The following ATP9B variants were observed in gnomAD, a reference collection of about 807,000 sequenced individuals.
ATP9B encodes ATPase phospholipid transporting 9B.
ATP9B carries 110 observed loss-of-function variants against 146.1 expected under a neutral mutation model. The ratio of observed to expected loss-of-function variants is 0.75; its 90% CI spans 0.65 to 0.88. The LOEUF is 0.88. Among genes scored for constraint, ATP9B ranks in the 40% least tolerant of loss-of-function variants. ATP9B has a pLI of 0.00. For missense variants in ATP9B, 1,499 were observed against 1,496.4 expected, an observed-to-expected ratio of 1.00 and a Z score of -0.03; for synonymous variants, 604 against 569.7, an observed-to-expected ratio of 1.06 and a Z score of -0.86.
chr18:79,096,815 T>TGAAAG (rs1046006798), intron 2 of ATP9B, among the ~76,000 whole-genome samples, 166 bp downstream of exon 2: 1 of 152,114 alleles, frequency 6.6e-6, no homozygotes, highest in African/African-American at 2.4e-5. Context: ...AATGCTAATA[T>TGAAAG]GAAAGGAAAG....
In ATP9B at chr18:79,239,494, C is replaced by T. The variant is rs547457421; in HGVS notation, c.1108-13887C>T. On this transcript the variant is annotated intron_variant, in intron 11 of 29. Coordinates refer to ENST00000426216, the MANE Select transcript of ATP9B (RefSeq NM_198531.5). The surrounding 1 kb of genome is among the most constrained non-coding windows in gnomAD (Gnocchi z 5.1). Reference sequence around the variant, plus strand: ...AAGTCTGCTGTGGCAGGGACAGGGACGTAGGACGATGGTGTCACGGCACTT... The same window carrying T: ...AAGTCTGCTGTGGCAGGGACAGGGATGTAGGACGATGGTGTCACGGCACTT... Among the ~76,000 whole-genome samples, 6 of 152,230 alleles carry T rather than the reference C, an allele frequency of 3.9e-5. No individual in the cohort carries two copies. Among genetic ancestry groups the T allele is most frequent in the African/African-American group, 1.4e-4 (6 of 41,534 alleles).
At chr18:79,322,488 G>A (rs965561693) in intron 15 of ATP9B, among the ~76,000 whole-genome samples, 10 of 152,178 alleles carry the variant, frequency 6.6e-5, no homozygotes, top group African/African-American at 2.4e-4. Flanking sequence ...GTTCTGACCC[G>A]GATTCCACCC....
intron 26 of ATP9B, among the ~76,000 whole-genome samples, chr18:79,371,772 G>C (rs1365604916): frequency 6.6e-6 from 1 of 152,104 alleles, no homozygotes; most frequent in Non-Finnish European, 1.5e-5. Context: ...GCTTCCGTGA[G>C]GGTTTGTCTT....
At chr18:79,100,870 C>T (rs1207136340) in intron 2 of ATP9B, among the ~76,000 whole-genome samples, 3 of 152,122 alleles carry the variant, frequency 2.0e-5, no homozygotes, top group Non-Finnish European at 4.4e-5. Flanking sequence ...TTTTTAAAAT[C>T]ATCAGATCTC....
chr18:79,071,437 C>T (rs1212710892), intron 1 of ATP9B, among the ~76,000 whole-genome samples: 2 of 65,450 alleles, frequency 3.1e-5, no homozygotes, highest in Non-Finnish European at 6.6e-5. Flanking sequence ...ACTCTGTTCT[C>T]CTGGCTGGAG....
At chr18:79,359,204 A>C in intron 25 of ATP9B, 150 bp from the exon 26 acceptor site, 1 of 596,534 alleles carries the variant, frequency 1.7e-6, no homozygotes, top group Non-Finnish European at 3.0e-6. Context: ...AGTCTCCGCA[A>C]TCATCTTACT....
chr18:79,255,464 A>G (rs2096068451), intron 12 of ATP9B, among the ~76,000 whole-genome samples: 1 of 152,200 alleles, frequency 6.6e-6, no homozygotes, highest in African/African-American at 2.4e-5. Context: ...CTTTGTCTCC[A>G]TACACATGAA....
At chr18:79,209,185 C>T (rs572021691) in intron 10 of ATP9B, among the ~76,000 whole-genome samples, 1 of 152,322 alleles carries the variant, frequency 6.6e-6, no homozygotes, top group East Asian at 1.9e-4. Flanking sequence ...CCCTGAAAGC[C>T]AGTGTCCTTG....
rs569896853 is a variant in ATP9B at position 79,372,746 on chromosome 18, A to G, written c.3013-79A>G. 1.9e-4 allele frequency: 176 copies of G among 918,218 alleles called. No individual in the cohort carries two copies. In the African/African-American group the frequency reaches 2.7e-3, roughly 14 times the overall value. 56.9% of individuals were successfully genotyped at this position (918,218 alleles called of 1,614,324 possible). On this transcript the variant is annotated intron_variant, in intron 26 of 29. Transcript: ENST00000426216. ...TATGGACCTGGGTCTTTCAGAAGTG[A>G]CCCATAGCTCACTCCTGGAAGGCGT... is the stretch of plus-strand genomic sequence containing the variant.
intron 17 of ATP9B, among the ~76,000 whole-genome samples, chr18:79,334,201 CAA>C (rs952541837): frequency 6.6e-6 from 1 of 151,362 alleles, no homozygotes; most frequent in Non-Finnish European, 1.5e-5. Flanking sequence ...ACTAAAAATA[CAA>C]AAAAAATAGA....
intron 17 of ATP9B, among the ~76,000 whole-genome samples, 166 bp from the exon 18 acceptor site, chr18:79,336,462 A>G (rs1462767375): frequency 1.3e-5 from 2 of 152,196 alleles, no homozygotes; most frequent in African/African-American, 4.8e-5. Context: ...GATGCATTGT[A>G]TGTAAAGGTG....
chr18:79,183,111 T>C (rs1034312554), intron 8 of ATP9B, among the ~76,000 whole-genome samples: 1 of 152,252 alleles, frequency 6.6e-6, no homozygotes, highest in South Asian at 2.1e-4. Context: ...CTGTTTTTAC[T>C]AGTAGAATAT....
intron 15 of ATP9B, among the ~76,000 whole-genome samples, chr18:79,320,373 T>C (rs2096708519): frequency 6.6e-6 from 1 of 152,092 alleles, no homozygotes; most frequent in Non-Finnish European, 1.5e-5. Context: ...CAGCAGGGCC[T>C]TTTGGAGACC....
chr18:79,161,044 A>T (rs1033372761), intron 7 of ATP9B, among the ~76,000 whole-genome samples: 1 of 147,642 alleles, frequency 6.8e-6, no homozygotes, highest in East Asian at 2.3e-4. Flanking sequence ...TGCTGGGGTT[A>T]TAGGTGTAAA....
intron 17 of ATP9B, among the ~76,000 whole-genome samples, chr18:79,332,586 G>A (rs568736946): frequency 1.6e-4 from 24 of 152,298 alleles, no homozygotes; most frequent in Non-Finnish European, 2.9e-4. Flanking sequence ...TCTCTCAGGA[G>A]GGCAGAGGCA....
intron 7 of ATP9B, among the ~76,000 whole-genome samples, chr18:79,164,317 T>A (rs1201370096): frequency 6.6e-6 from 1 of 152,210 alleles, no homozygotes; most frequent in African/African-American, 2.4e-5. Context: ...TTCATGGCTC[T>A]TGATCTTTTT....
At chr18:79,074,888 A>G (rs1413139355) in intron 1 of ATP9B, among the ~76,000 whole-genome samples, 1 of 152,236 alleles carries the variant, frequency 6.6e-6, no homozygotes, top group Non-Finnish European at 1.5e-5. Flanking sequence ...GGTAACATAC[A>G]CATAGTTTAT....
chr18:79,205,678 G>A (rs752660287), intron 9 of ATP9B, among the ~76,000 whole-genome samples: 1 of 152,114 alleles, frequency 6.6e-6, no homozygotes, highest in Non-Finnish European at 1.5e-5. Context: ...CAGGGCTGTG[G>A]ATGCATTCCT....
chr18:79,123,211 AT>A (rs1255737810), intron 4 of ATP9B, among the ~76,000 whole-genome samples: 1 of 152,180 alleles, frequency 6.6e-6, no homozygotes, highest in African/African-American at 2.4e-5. Flanking sequence ...ACTAAACAAA[AT>A]GAATTAGCAG....
Sources: allele counts gnomAD v4.1 joint callset (sites outside exome capture counted in the v4.1 genomes callset), GRCh38; gene constraint gnomAD v4.1.1; non-coding constraint Gnocchi (gnomAD v3.1); transcripts MANE v1.5; gene names NCBI Gene and HGNC (gene_info 2026-07-23, HGNC 2026-07-21).